GRM8: variants seen among roughly 807,000 people sequenced by gnomAD.
GRM8 encodes the protein metabotropic glutamate receptor 8.
A neutral mutation model predicts 87.2 loss-of-function variants in GRM8; 47 were observed. The observed-to-expected ratio is 0.54, with a 90% CI of 0.43 to 0.69. The LOEUF is 0.69. Ranked by LOEUF, GRM8 falls within the 30% of genes least tolerant of loss-of-function variation. GRM8 has a pLI of 0.00. For missense variants in GRM8, 1,019 were observed against 1,139.2 expected (o/e 0.89, Z 1.52); for synonymous variants, 396 against 404.5 (o/e 0.98, Z 0.25).
chr7:126,828,122 TA>T (rs1310286948), intron 6 of GRM8, among the ~76,000 whole-genome samples: 1 of 152,150 alleles, frequency 6.6e-6, no homozygotes, highest in African/African-American at 2.4e-5. Flanking sequence ...GCCAGTATTT[TA>T]TTGAGGATTT....
At chr7:126,706,597 C>A (rs1168440677) in intron 7 of GRM8, among the ~76,000 whole-genome samples, 2 of 152,098 alleles carry the variant, frequency 1.3e-5, no homozygotes, top group African/African-American at 4.8e-5. Flanking sequence ...TAAATCTCAA[C>A]CTAAAACACC....
At chr7:127,009,436 T>A (rs1412190347) in intron 3 of GRM8, among the ~76,000 whole-genome samples, 3 of 152,090 alleles carry the variant, frequency 2.0e-5, no homozygotes, top group Non-Finnish European at 4.4e-5. Flanking sequence ...TGTGGGCACT[T>A]CCTAGAATGA....
chr7:126,473,178 C>T (rs1441220140), intron 9 of GRM8, among the ~76,000 whole-genome samples: 1 of 152,116 alleles, frequency 6.6e-6, no homozygotes, highest in African/African-American at 2.4e-5. Context: ...GGTAGATCCA[C>T]CTAGAGCTTG....
intron 8 of GRM8, among the ~76,000 whole-genome samples, chr7:126,570,667 A>G (rs1372693185): frequency 6.6e-6 from 1 of 152,140 alleles, no homozygotes; most frequent in Non-Finnish European, 1.5e-5. Flanking sequence ...TAAAACTACT[A>G]AAAATTTCAG....
At chr7:126,527,097 G>A (rs987608660) in intron 9 of GRM8, among the ~76,000 whole-genome samples, 6 of 152,204 alleles carry the variant, frequency 3.9e-5, no homozygotes, top group Admixed American at 6.5e-5. Flanking sequence ...GGTGGCTCAC[G>A]CCTGTAATCC....
chr7:126,779,052 A>G (rs1563180057), intron 6 of GRM8, among the ~76,000 whole-genome samples: 1 of 152,192 alleles, frequency 6.6e-6, no homozygotes, highest in African/African-American at 2.4e-5. Context: ...CACTTCATCT[A>G]TAATGAGAAT....
At chr7:126,697,201 G>C (rs201885323) in intron 7 of GRM8, among the ~76,000 whole-genome samples, 1 of 147,606 alleles carries the variant, frequency 6.8e-6, no homozygotes, top group East Asian at 2.0e-4. Flanking sequence ...CATAGAAAAA[G>C]ATAGTACAAC....
chr7:126,704,806 A>G (rs1274580197), intron 7 of GRM8, among the ~76,000 whole-genome samples: 1 of 152,090 alleles, frequency 6.6e-6, no homozygotes, highest in Admixed American at 6.5e-5. Flanking sequence ...TCTCCTGATA[A>G]GATGTTATCA....
rs1255137706 is a variant in GRM8 at position 126,711,053 on chromosome 7, C to T, written c.1357+58812G>A. On this transcript the variant is annotated intron_variant, in intron 7 of 10. Transcript: ENST00000339582. ...ACCTGGGCATGGTGGTGCATACCTG[C>T]AATCCCAGCTACTCAGGAGGCTGAG... Among the ~76,000 whole-genome samples, 6 of 152,116 alleles carry T rather than the reference C, an allele frequency of 3.9e-5. No homozygotes were observed. The East Asian group carries it at 9.6e-4, about 24-fold the overall frequency.
At chr7:126,519,681 C>T (rs1179540721) in intron 9 of GRM8, among the ~76,000 whole-genome samples, 1 of 152,036 alleles carries the variant, frequency 6.6e-6, no homozygotes, top group Non-Finnish European at 1.5e-5. Context: ...CCTGAACGTG[C>T]CTGATCTCAT....
chr7:126,774,888 A>G (rs1341366440), intron 6 of GRM8, among the ~76,000 whole-genome samples: 1 of 152,194 alleles, frequency 6.6e-6, no homozygotes, highest in Admixed American at 6.6e-5. Context: ...TTTTTAAGTT[A>G]AAATGTCAGA....
chr7:127,069,648 C>T (rs1392769519), intron 3 of GRM8, among the ~76,000 whole-genome samples: 3 of 152,178 alleles, frequency 2.0e-5, no homozygotes, highest in East Asian at 1.9e-4. Flanking sequence ...CTCTTCCCAC[C>T]AGAAGGTTTC....
chr7:126,988,383 G>A (rs1812321545), intron 3 of GRM8, among the ~76,000 whole-genome samples: 2 of 152,190 alleles, frequency 1.3e-5, no homozygotes. Context: ...CTTGACTTAA[G>A]TAACCAACAC....
At chr7:126,825,694 T>C (rs541107045) in intron 6 of GRM8, among the ~76,000 whole-genome samples, 4 of 152,072 alleles carry the variant, frequency 2.6e-5, no homozygotes, top group East Asian at 1.9e-4. Context: ...AACCTAAACA[T>C]TGGTTAAAAA....
intron 8 of GRM8, among the ~76,000 whole-genome samples, chr7:126,548,501 A>C (rs1340202278): frequency 6.6e-6 from 1 of 152,170 alleles, no homozygotes; most frequent in Non-Finnish European, 1.5e-5. Flanking sequence ...CAACAAAAAA[A>C]ATTTCCAAGA....
chr7:127,206,608 C>T (rs185724634), intron 2 of GRM8, among the ~76,000 whole-genome samples: 3 of 152,078 alleles, frequency 2.0e-5, no homozygotes, highest in East Asian at 1.9e-4. Flanking sequence ...AGTGTGCCTC[C>T]GTAACACAAA....
chr7:127,086,450 A>G (rs1823515007), intron 3 of GRM8, among the ~76,000 whole-genome samples: 1 of 152,136 alleles, frequency 6.6e-6, no homozygotes, highest in South Asian at 2.1e-4. Context: ...TTCCGAAGCA[A>G]TCTTGAGCAG....
At chr7:126,969,998 C>CT (rs112590624) in intron 3 of GRM8, among the ~76,000 whole-genome samples, 17 of 150,224 alleles carry the variant, frequency 1.1e-4, no homozygotes, top group African/African-American at 1.5e-4. Context: ...TGAAAGGAAT[C>CT]TTTTTTTTTT....
chr7:126,583,267 A>G lies in GRM8; in HGVS notation c.1494+26095T>C, dbSNP rs545670348. Among the ~76,000 whole-genome samples, 6 of 152,166 alleles carry G rather than the reference A, an allele frequency of 3.9e-5. No homozygotes were observed. In the South Asian group the frequency reaches 1.2e-3, roughly 32 times the overall value. On this transcript the variant is annotated intron_variant, in intron 8 of 10. Coordinates refer to ENST00000339582, the MANE Select transcript of GRM8 (RefSeq NM_000845.3). ...GCTACTTGGAAGGCTGAGGCAGGAAAATTGCTTGAACCCGGGAAAGGAGGT... is the reference window on the plus strand; with the variant it reads ...GCTACTTGGAAGGCTGAGGCAGGAAGATTGCTTGAACCCGGGAAAGGAGGT...
Sources: allele counts gnomAD v4.1 joint callset (sites outside exome capture counted in the v4.1 genomes callset), GRCh38; gene constraint gnomAD v4.1.1; transcripts MANE v1.5; gene names NCBI Gene and HGNC (gene_info 2026-07-23, HGNC 2026-07-21).